The following PARD3B variants were observed in gnomAD, a reference collection of about 807,000 sequenced individuals.
PARD3B encodes the protein partitioning defective 3 homolog B.
In PARD3B, 103 loss-of-function variants were observed where a neutral mutation model predicts 130.2. The observed-to-expected ratio is 0.79, with a 90% CI of 0.67 to 0.93. PARD3B has a LOEUF of 0.93. Ranked by LOEUF, PARD3B falls within the 40% of genes least tolerant of loss-of-function variation. PARD3B has a pLI of 0.00. For missense variants in PARD3B, 1,609 were observed against 1,499.2 expected (o/e 1.07, Z -1.21); for synonymous variants, 583 against 553.2 (o/e 1.05, Z -0.76).
chr2:204,924,938 A>C (rs1443801238), intron 2 of PARD3B, among the ~76,000 whole-genome samples: 3 of 151,388 alleles, frequency 2.0e-5, no homozygotes, highest in East Asian at 3.9e-4. Context: ...AATTCTGCCA[A>C]CTGTAACATA....
chr2:205,057,990 A>G (rs899997815), intron 4 of PARD3B, among the ~76,000 whole-genome samples: 6 of 151,704 alleles, frequency 4.0e-5, no homozygotes, highest in African/African-American at 1.5e-4. Context: ...ATTGTTCTGC[A>G]TCCATCACTA....
chr2:204,788,889 T>C (rs1284543309), intron 2 of PARD3B, among the ~76,000 whole-genome samples: 1 of 152,220 alleles, frequency 6.6e-6, no homozygotes, highest in Non-Finnish European at 1.5e-5. Context: ...TATATTATAT[T>C]GTATAATGTG....
chr2:205,569,093 C>T (rs568313138), intron 22 of PARD3B, among the ~76,000 whole-genome samples: 8 of 152,188 alleles, frequency 5.3e-5, no homozygotes, highest in Admixed American at 2.0e-4. Context: ...TAAAAAGTAA[C>T]GATTATGATC....
intron 4 of PARD3B, among the ~76,000 whole-genome samples, chr2:205,057,772 C>T (rs560306533): frequency 1.0e-4 from 15 of 149,412 alleles, no homozygotes; most frequent in East Asian, 5.9e-4. Context: ...TATACACACA[C>T]GTGTGTGTGT....
At chr2:204,828,583 G>T (rs956468696) in intron 2 of PARD3B, among the ~76,000 whole-genome samples, 1 of 152,090 alleles carries the variant, frequency 6.6e-6, no homozygotes, top group African/African-American at 2.4e-5. Flanking sequence ...TTTCACTTAA[G>T]TGCCTGCTCT....
intron 2 of PARD3B, among the ~76,000 whole-genome samples, chr2:204,920,111 C>A (rs2047611059): frequency 6.6e-6 from 1 of 152,136 alleles, no homozygotes; most frequent in African/African-American, 2.4e-5. Flanking sequence ...CCAGGTAATT[C>A]TGTATCTATT....
intron 15 of PARD3B, among the ~76,000 whole-genome samples, chr2:205,209,564 G>A (rs889892675): frequency 6.7e-6 from 1 of 149,688 alleles, no homozygotes; most frequent in East Asian, 1.9e-4. Context: ...TATATATAAT[G>A]TGCAATTAAA....
intron 4 of PARD3B, among the ~76,000 whole-genome samples, chr2:205,103,351 T>TAAATATATTTTTATTTATGTA (rs1702952359): frequency 3.9e-5 from 5 of 129,004 alleles, no homozygotes; most frequent in Non-Finnish European, 8.6e-5. Flanking sequence ...TTATGTAAAA[T>TAAATATATTTTTATTTATGTA]AAATATATTT....
intron 18 of PARD3B, among the ~76,000 whole-genome samples, chr2:205,382,249 C>A (rs2045479545): frequency 6.6e-6 from 1 of 152,038 alleles, no homozygotes; most frequent in Non-Finnish European, 1.5e-5. Context: ...CCTTATCTTT[C>A]ATGACCTTGT....
At position 205,380,443 on chromosome 2, in the gene PARD3B, GA is replaced by G. The variant is rs1170445420; in HGVS notation, c.2631-20568del. ...GAATATATATTATATATTATATAAA[GA>G]ATACATATATATAATATATAAAGAA... On this transcript the variant is annotated intron_variant, in intron 18 of 22. Coordinates refer to ENST00000406610, the MANE Select transcript of PARD3B (RefSeq NM_001302769.2). 1.5e-4 allele frequency among the ~76,000 whole-genome samples: 5 copies of G among 34,454 alleles called. 1 individual carries two copies. Among genetic ancestry groups the G allele is most frequent in the African/African-American group, 6.3e-4 (5 of 7,990 alleles). 22.6% of individuals were successfully genotyped at this position (34,454 alleles called of 152,430 possible).
intron 22 of PARD3B, among the ~76,000 whole-genome samples, chr2:205,610,476 C>T (rs1007676997): frequency 1.5e-4 from 23 of 152,164 alleles, no homozygotes; most frequent in African/African-American, 3.9e-4. Flanking sequence ...TGAATAAATA[C>T]GCTTAGCCTG....
chr2:205,220,067 T>G (rs2038157173), intron 15 of PARD3B, among the ~76,000 whole-genome samples: 1 of 152,078 alleles, frequency 6.6e-6, no homozygotes, highest in Non-Finnish European at 1.5e-5. Context: ...TGAATGTAAA[T>G]TCCTGTATTT....
chr2:205,277,438 TACTC>T (rs2040992811), intron 16 of PARD3B, among the ~76,000 whole-genome samples: 1 of 152,226 alleles, frequency 6.6e-6, no homozygotes, highest in African/African-American at 2.4e-5. Flanking sequence ...TAATGCTTGG[TACTC>T]AATAAATATA....
chr2:204,883,455 A>ATAAAATATATATATATATATATATATT (rs1377428928), intron 2 of PARD3B, among the ~76,000 whole-genome samples: 1 of 77,272 alleles, frequency 1.3e-5, no homozygotes, highest in East Asian at 3.8e-4. Context: ...ATATATATAT[A>ATAAAATATATATATATATATATATATT]TTTTTTTTTT....
chr2:204,640,093 A>G (rs1312765670), intron 1 of PARD3B, among the ~76,000 whole-genome samples: 1 of 152,102 alleles, frequency 6.6e-6, no homozygotes, highest in Non-Finnish European at 1.5e-5. Context: ...ATCTCTACAA[A>G]TAATTAAAAA....
At chr2:204,819,720 T>C (rs772980389) in intron 2 of PARD3B, among the ~76,000 whole-genome samples, 21 of 152,136 alleles carry the variant, frequency 1.4e-4, no homozygotes, top group Non-Finnish European at 2.1e-4. Context: ...TTAAAAAGAC[T>C]CTTACAGTAA....
intron 19 of PARD3B, among the ~76,000 whole-genome samples, chr2:205,411,800 G>A (rs566438010): frequency 2.6e-5 from 4 of 152,168 alleles, no homozygotes; most frequent in Middle Eastern, 3.4e-3. Flanking sequence ...TGCTCCTCAA[G>A]CATAGTGAGC....
rs957058584 is a variant in PARD3B at position 204,936,087 on chromosome 2, C to T, written c.223-29065C>T. On this transcript the variant is annotated intron_variant, in intron 2 of 22. Transcript: ENST00000406610. ...GATAGTCAGTTTCAGTGGTCTGTTT[C>T]CCAGTGTGCTGTAGGAGAGCACTTT... Among the ~76,000 whole-genome samples, 4 of 152,290 alleles carry T rather than the reference C, an allele frequency of 2.6e-5. No homozygotes were observed. The South Asian group carries it at 8.3e-4, about 32-fold the overall frequency.
intron 10 of PARD3B, among the ~76,000 whole-genome samples, chr2:205,156,542 A>AT (rs1034346015): frequency 4.2e-4 from 26 of 62,100 alleles, no homozygotes; most frequent in Middle Eastern, 0.017. Context: ...AGAGGAAAAG[A>AT]TAAAAAAAAA....
Sources: gnomAD v4.1 joint callset for allele counts (sites outside exome capture counted in the v4.1 genomes callset) on GRCh38, gnomAD v4.1.1 for gene constraint, MANE v1.5 for transcripts, NCBI Gene and HGNC (gene_info 2026-07-23, HGNC 2026-07-21) for gene names.